The following SH3RF3 variants were observed in gnomAD, a reference collection of about 807,000 sequenced individuals.
SH3RF3 encodes the protein E3 ubiquitin-protein ligase SH3RF3.
A neutral mutation model predicts 66.3 loss-of-function variants in SH3RF3; 29 were observed. The observed-to-expected ratio is 0.44, with a 90% CI of 0.33 to 0.60. The LOEUF is 0.60. Ranked by LOEUF, SH3RF3 falls within the 20% of genes least tolerant of loss-of-function variation. The probability of loss-of-function intolerance (pLI) is 0.04; values close to 1 mark genes in which losing one functional copy is unlikely to be tolerated. For missense variants in SH3RF3, 1,194 were observed against 1,190.9 expected (o/e 1.00, Z -0.04); for synonymous variants, 583 against 532.0 (o/e 1.10, Z -1.32).
At chr2:109,486,834 G>A (rs1020516870) in intron 8 of SH3RF3, among the ~76,000 whole-genome samples, 3 of 152,204 alleles carry the variant, frequency 2.0e-5, no homozygotes, top group African/African-American at 7.2e-5. Context: ...TTCCATGGAG[G>A]AAGGACCAGT....
intron 1 of SH3RF3, among the ~76,000 whole-genome samples, chr2:109,300,087 G>A (rs999657293): frequency 6.6e-6 from 1 of 152,220 alleles, no homozygotes; most frequent in African/African-American, 2.4e-5. Context: ...TGGGTGAGCA[G>A]CAAGGATAAG....
chr2:109,275,717 T>C (rs1448048330), intron 1 of SH3RF3, among the ~76,000 whole-genome samples: 1 of 152,220 alleles, frequency 6.6e-6, no homozygotes, highest in Non-Finnish European at 1.5e-5. Context: ...CTCATCTCGC[T>C]GTTTGCCGGG....
intron 1 of SH3RF3, among the ~76,000 whole-genome samples, chr2:109,238,872 A>G (rs1249262919): frequency 2.6e-5 from 4 of 152,150 alleles, no homozygotes; most frequent in Non-Finnish European, 5.9e-5. Flanking sequence ...CTCTGTCCCA[A>G]GGGAGGATAC....
In SH3RF3 at chr2:109,310,139, A is replaced by C. The variant is rs1446186485; in HGVS notation, c.574-37535A>C. ...AAAAGAACAGAAATTATAACAAACT[A>C]TCTCTCAGACCACAGTGCAATCAAA... On this transcript the variant is annotated intron_variant, in intron 1 of 9. Coordinates refer to ENST00000309415, the MANE Select transcript of SH3RF3 (RefSeq NM_001099289.3). 9.3e-3 allele frequency among the ~76,000 whole-genome samples: 665 copies of C among 71,334 alleles called. 30 individuals carry two copies. Among genetic ancestry groups the C allele is most frequent in the East Asian group, 0.042 (96 of 2,286 alleles). The allele number at this position is 71,334 out of a possible 152,430, so 46.8% of individuals were successfully genotyped here.
intron 5 of SH3RF3, among the ~76,000 whole-genome samples, chr2:109,421,829 G>A (rs1483586617): frequency 6.6e-6 from 1 of 152,232 alleles, no homozygotes. Flanking sequence ...CATGACCTGT[G>A]ACTGGTGATG....
intron 8 of SH3RF3, among the ~76,000 whole-genome samples, chr2:109,470,304 A>C (rs1678468899): frequency 6.6e-6 from 1 of 152,178 alleles, no homozygotes; most frequent in African/African-American, 2.4e-5. Context: ...CCACATGTGA[A>C]ATCCATGCTT....
Position 109,218,140 on chromosome 2 carries a change from C to CT in SH3RF3, c.573+88031dup, listed in dbSNP as rs528779367. On this transcript the variant is annotated intron_variant, in intron 1 of 9. Transcript: ENST00000309415. ...AGAGACAGAAAACCATTGTCCTCTC[C>CT]TTTTCTGTTCTATTAAAAAAAAAAA... Among the ~76,000 whole-genome samples, 385 of 132,906 alleles carry CT rather than the reference C, an allele frequency of 2.9e-3. 1 individual carries two copies. The highest frequency in any genetic ancestry group is 0.011 in the African/African-American group (349 of 30,412). 87.2% of individuals were successfully genotyped at this position (132,906 alleles called of 152,430 possible).
At chr2:109,273,817 G>A (rs1680682094) in intron 1 of SH3RF3, among the ~76,000 whole-genome samples, 1 of 152,124 alleles carries the variant, frequency 6.6e-6, no homozygotes. Context: ...CTTGAGACCA[G>A]GCTCAGCATA....
At chr2:109,365,121 A>G (rs187221832) in intron 2 of SH3RF3, among the ~76,000 whole-genome samples, 1 of 152,334 alleles carries the variant, frequency 6.6e-6, no homozygotes, top group Admixed American at 6.5e-5. Context: ...TTTATCCTGT[A>G]TGTGGATCTT....
chr2:109,267,164 C>A (rs542247823), intron 1 of SH3RF3, among the ~76,000 whole-genome samples: 1 of 152,192 alleles, frequency 6.6e-6, no homozygotes, highest in South Asian at 2.1e-4. Flanking sequence ...TGCTTCCGAT[C>A]GGTGATTTCC....
intron 1 of SH3RF3, among the ~76,000 whole-genome samples, chr2:109,189,876 C>T (rs1678300630): frequency 6.6e-6 from 1 of 152,150 alleles, no homozygotes; most frequent in South Asian, 2.1e-4. Flanking sequence ...CAGTGGTTGG[C>T]ATAAGGTTGG....
chr2:109,387,342 G>A lies in SH3RF3; in HGVS notation c.946-11248G>A, dbSNP rs540965237. On this transcript the variant is annotated intron_variant, in intron 3 of 9. Transcript: ENST00000309415. ...TCCCTGTGCTGCTGTAGAGCCCTCC[G>A]GTTCCCCATCTCAGGGGAGATCCAG... Among the ~76,000 whole-genome samples, 7 of 152,214 alleles carry A rather than the reference G, an allele frequency of 4.6e-5. No individual in the cohort carries two copies. The East Asian group carries it at 5.8e-4, about 13-fold the overall frequency.
chr2:109,501,780 G>A lies in SH3RF3; in HGVS notation c.*109G>A. 1.6e-6 allele frequency: 1 copy of A among 633,082 alleles called. No individual in the cohort carries two copies. Among genetic ancestry groups the A allele is most frequent in the Non-Finnish European group, 2.9e-6 (1 of 350,410 alleles). The allele number at this position is 633,082 out of a possible 1,614,324, so 39.2% of individuals were successfully genotyped here. Reference sequence around the variant, plus strand: ...CCCAAGGGTTCCAGGTCATCTCCAAGGCACCTGGCGGGGGATACCCTGGCC... The same window carrying A: ...CCCAAGGGTTCCAGGTCATCTCCAAAGCACCTGGCGGGGGATACCCTGGCC... On this transcript the variant is annotated 3_prime_UTR_variant, in exon 10 of 10. Coordinates refer to ENST00000309415, the MANE Select transcript of SH3RF3 (RefSeq NM_001099289.3).
At chr2:109,466,050 T>C (rs1025880482) in intron 8 of SH3RF3, among the ~76,000 whole-genome samples, 1 of 150,022 alleles carries the variant, frequency 6.7e-6, no homozygotes, top group African/African-American at 2.4e-5. Context: ...TCTTTTCATA[T>C]GCTTATCTGC....
At chr2:109,396,310 A>G (rs779703391) in intron 3 of SH3RF3, among the ~76,000 whole-genome samples, 17 of 152,234 alleles carry the variant, frequency 1.1e-4, no homozygotes, top group Non-Finnish European at 1.8e-4. Context: ...GTTGGAGGAA[A>G]CATTTCAAAG....
At position 109,302,026 on chromosome 2, in the gene SH3RF3, A is replaced by G. The variant is rs185276368; in HGVS notation, c.574-45648A>G. ...GTGACTCAGTTCTTCTCAGGAAGCC[A>G]TAGAGGTTTTTCTTTCTAGAGCTTT... On this transcript the variant is annotated intron_variant, in intron 1 of 9. Coordinates refer to ENST00000309415, the MANE Select transcript of SH3RF3 (RefSeq NM_001099289.3). Among the ~76,000 whole-genome samples the G allele has an allele frequency of 9.4e-4, 143 of 152,328 alleles. 1 individual carries two copies. The highest frequency in any genetic ancestry group is 1.7e-3 in the Non-Finnish European group (119 of 68,030).
intron 1 of SH3RF3, among the ~76,000 whole-genome samples, chr2:109,229,969 C>T (rs975251494): frequency 1.1e-4 from 16 of 151,896 alleles, no homozygotes; most frequent in South Asian, 2.1e-4. Context: ...GGACTACAGG[C>T]GCACGCCAGT....
chr2:109,403,974 C>CT (rs977198634), intron 4 of SH3RF3, among the ~76,000 whole-genome samples: 5 of 152,150 alleles, frequency 3.3e-5, no homozygotes, highest in Non-Finnish European at 7.4e-5. Context: ...TGTGGTGGCT[C>CT]TTTCTGCTGC....
chr2:109,205,509 C>A (rs903466862), intron 1 of SH3RF3, among the ~76,000 whole-genome samples: 2 of 152,196 alleles, frequency 1.3e-5, no homozygotes, highest in Admixed American at 1.3e-4. Context: ...ATCCACCTCC[C>A]AAAGTGCTGG....
Sources: gnomAD v4.1 joint callset for allele counts (sites outside exome capture counted in the v4.1 genomes callset) on GRCh38, gnomAD v4.1.1 for gene constraint, MANE v1.5 for transcripts, NCBI Gene and HGNC (gene_info 2026-07-23, HGNC 2026-07-21) for gene names.